Variants in ZNF93 observed in about 807,000 individuals in gnomAD.
The protein encoded by ZNF93 is zinc finger protein 505.
A neutral mutation model predicts 45.0 loss-of-function variants in ZNF93; 29 were observed. The observed-to-expected ratio is 0.64, with a 90% CI of 0.48 to 0.88. The LOEUF (loss-of-function observed/expected upper bound fraction) is 0.88. Ranked by LOEUF, ZNF93 falls within the 40% of genes least tolerant of loss-of-function variation. The probability of loss-of-function intolerance (pLI) is 0.00; values close to 1 mark genes in which losing one functional copy is unlikely to be tolerated. For synonymous variants in ZNF93, 223 were observed against 244.6 expected (o/e 0.91, Z 0.82); for missense variants, 578 against 724.0 (o/e 0.80, Z 2.31).
rs1223062449 is a variant in ZNF93, at chr19:19,900,996, C to CT, written c.-92dup. 6.4e-7 allele frequency: 1 copy of CT among 1,571,366 alleles called. No individual in the cohort carries two copies. Among genetic ancestry groups the CT allele is most frequent in the East Asian group, 2.2e-5 (1 of 44,540 alleles). On this transcript the variant is annotated 5_prime_UTR_variant, in exon 1 of 4. Coordinates refer to ENST00000343769, the MANE Select transcript of ZNF93 (RefSeq NM_031218.4). Reference sequence around the variant, plus strand: ...GGTCTCCTCTTCACTACTCTGTGTCCTGTGCTCCTACAGGCCCAGCCTCTG... The same window carrying CT: ...GGTCTCCTCTTCACTACTCTGTGTCCTTGTGCTCCTACAGGCCCAGCCTCTG...
chr19:19,904,681 T>C (rs2063287261), intron 1 of ZNF93, among the ~76,000 whole-genome samples: 1 of 152,136 alleles, frequency 6.6e-6, no homozygotes, highest in African/African-American at 2.4e-5. Flanking sequence ...CATGGAGCCC[T>C]AGCCTGGAAT....
chr19:19,907,316 C>G (rs1305911394), intron 1 of ZNF93, among the ~76,000 whole-genome samples: 2 of 152,068 alleles, frequency 1.3e-5, no homozygotes, highest in African/African-American at 4.8e-5. Flanking sequence ...ATGATAAAGA[C>G]TAAAAGATAC....
At chr19:19,922,845 T>C (rs1028118156) in intron 3 of ZNF93, among the ~76,000 whole-genome samples, 2 of 152,218 alleles carry the variant, frequency 1.3e-5, no homozygotes, top group African/African-American at 4.8e-5. Flanking sequence ...TCGTCTAATC[T>C]TTTTTCAAGG....
intron 1 of ZNF93, among the ~76,000 whole-genome samples, chr19:19,903,924 AGGCG>A (rs2063284646): frequency 6.6e-6 from 1 of 151,030 alleles, no homozygotes; most frequent in Non-Finnish European, 1.5e-5. Context: ...TACAAAAACT[AGGCG>A]GGCGCTTGTA....
intron 1 of ZNF93, among the ~76,000 whole-genome samples, chr19:19,902,911 A>C (rs1419195881): frequency 6.6e-6 from 1 of 151,700 alleles, no homozygotes; most frequent in Admixed American, 6.6e-5. Context: ...TAATTAAAAA[A>C]AATTTTTTTA....
At position 19,915,363 on chromosome 19, in the gene ZNF93, T is replaced by C; in HGVS notation, c.87T>C (p.Tyr29=). 1 of 1,614,114 alleles carries C rather than the reference T, an allele frequency of 6.2e-7. No individual in the cohort carries two copies. Among genetic ancestry groups the C allele is most frequent in the Non-Finnish European group, 8.5e-7 (1 of 1,179,982 alleles). The change falls in exon 2 of 4, where the codon TAT becomes TAC. Residue 29 remains tyrosine (Y), a synonymous_variant. Transcript: ENST00000343769. ...TGGACACTGCACAGCGGAATCTATA[T>C]AGGAATGTGATGTTAGAGAACTACA... The part of the protein sequence containing the change: ...HCLDTAQRNL[Y]RNVMLENYSN...
At chr19:19,907,470 A>G (rs1364940358) in intron 1 of ZNF93, among the ~76,000 whole-genome samples, 4 of 152,132 alleles carry the variant, frequency 2.6e-5, no homozygotes, top group Non-Finnish European at 5.9e-5. Flanking sequence ...TCTATTTATT[A>G]CTTCAGAACA....
In ZNF93 at chr19:19,934,899, C is replaced by T. The variant is rs1480443953; in HGVS notation, c.*81C>T. On this transcript the variant is annotated 3_prime_UTR_variant, in exon 4 of 4. Transcript: ENST00000343769. Reference sequence around the variant, plus strand: ...GAGAGTTCTGAACTTACTCTGTAACCATCCCAAACTCCTCCCAGGCACAGT... The same window carrying T: ...GAGAGTTCTGAACTTACTCTGTAACTATCCCAAACTCCTCCCAGGCACAGT... 4.2e-6 allele frequency: 6 copies of T among 1,432,468 alleles called. No individual in the cohort carries two copies. The highest frequency in any genetic ancestry group is 4.7e-6 in the Non-Finnish European group (5 of 1,063,166). The allele number at this position is 1,432,468 out of a possible 1,614,324, so 88.7% of individuals were successfully genotyped here. A position where few individuals can be genotyped will look rare whatever the true frequency, so the allele number is the denominator to read the frequency against.
chr19:19,904,197 C>A, intron 1 of ZNF93, among the ~76,000 whole-genome samples: 1 of 137,112 alleles, frequency 7.3e-6, no homozygotes, highest in Non-Finnish European at 1.5e-5. Flanking sequence ...AAAGAGAGCA[C>A]TAAGTCATAA....
intron 1 of ZNF93, among the ~76,000 whole-genome samples, chr19:19,914,008 A>G: frequency 2.0e-5 from 3 of 146,940 alleles, no homozygotes; most frequent in Admixed American, 2.0e-4. Context: ...TTTGAAAAAT[A>G]TTTCTTTTTT....
At chr19:19,919,172 G>A (rs1466974499) in intron 3 of ZNF93, among the ~76,000 whole-genome samples, 1 of 152,146 alleles carries the variant, frequency 6.6e-6, no homozygotes, top group Non-Finnish European at 1.5e-5. Context: ...TCTACATGTG[G>A]CTAGCCAGTT....
At chr19:19,908,073 A>G (rs1239818578) in intron 1 of ZNF93, among the ~76,000 whole-genome samples, 2 of 152,204 alleles carry the variant, frequency 1.3e-5, no homozygotes, top group Non-Finnish European at 2.9e-5. Context: ...CATGTTTGTT[A>G]CTTTATTCAA....
Position 19,933,568 on chromosome 19 carries a change from G to C in ZNF93, c.613G>C (p.Glu205Gln). Residue 205 changes from glutamate (E) to glutamine (Q), a missense_variant, in exon 4 of 4, where the codon GAA becomes CAA. This residue lies in a region of ZNF93 where 446 missense variants were observed against 547.6 expected (regional missense o/e 0.81). Coordinates refer to ENST00000343769, the MANE Select transcript of ZNF93 (RefSeq NM_031218.4). ...HTGEKPYICE[E>Q]CGKAFKYSSA... The stretch of plus-strand genomic sequence containing the variant: ...TGGAGAGAAACCCTACATTTGTGAA[G>C]AATGTGGCAAAGCCTTTAAGTACTC... The C allele has an allele frequency of 6.2e-7, 1 of 1,607,870 alleles. No individual in the cohort carries two copies. Among genetic ancestry groups the C allele is most frequent in the Non-Finnish European group, 8.5e-7 (1 of 1,177,698 alleles).
At chr19:19,911,129 A>T (rs1057211359) in intron 1 of ZNF93, among the ~76,000 whole-genome samples, 2 of 152,150 alleles carry the variant, frequency 1.3e-5, no homozygotes, top group African/African-American at 4.8e-5. Context: ...AGTATTTTTG[A>T]TCTTTCTCTT....
chr19:19,916,336 G>A (rs2063323621), intron 2 of ZNF93, among the ~76,000 whole-genome samples: 1 of 152,116 alleles, frequency 6.6e-6, no homozygotes. Flanking sequence ...CTGATCTCAT[G>A]ATCCACCTGC....
intron 3 of ZNF93, among the ~76,000 whole-genome samples, chr19:19,928,321 G>A (rs911764154): frequency 6.6e-6 from 1 of 152,040 alleles, no homozygotes; most frequent in African/African-American, 2.4e-5. Context: ...GTATCATATT[G>A]TTTATGTTAC....
intron 1 of ZNF93, among the ~76,000 whole-genome samples, chr19:19,902,473 G>T (rs1466334964): frequency 1.3e-5 from 2 of 151,952 alleles, no homozygotes; most frequent in Non-Finnish European, 2.9e-5. Context: ...GGTCAGGCTG[G>T]TCTCGAGCTC....
chr19:19,919,727 A>G (rs1007551757), intron 3 of ZNF93, among the ~76,000 whole-genome samples: 50 of 152,174 alleles, frequency 3.3e-4, no homozygotes, highest in Non-Finnish European at 5.4e-4. Flanking sequence ...TGTGAATGGG[A>G]GTTCACTCAT....
At chr19:19,905,939 C>T (rs866711450) in intron 1 of ZNF93, among the ~76,000 whole-genome samples, 1 of 152,162 alleles carries the variant, frequency 6.6e-6, no homozygotes, top group Non-Finnish European at 1.5e-5. Context: ...CATTTATGGC[C>T]TGTCCATGTC....
Sources: gnomAD v4.1 joint callset for allele counts (sites outside exome capture counted in the v4.1 genomes callset) on GRCh38, gnomAD v4.1.1 for gene constraint, gnomAD v4.1.1 regional missense constraint, MANE v1.5 for transcripts, NCBI Gene and HGNC (gene_info 2026-07-23, HGNC 2026-07-21) for gene names.